CSF2RA: variants seen among roughly 807,000 people sequenced by gnomAD.
CSF2RA encodes the protein colony stimulating factor 2 receptor subunit alpha.
A neutral mutation model predicts 51.6 loss-of-function variants in CSF2RA; 42 were observed. That is an observed-to-expected ratio of 0.81 (90% CI 0.64 to 1.05). CSF2RA has a LOEUF of 1.05. Among genes scored for constraint, CSF2RA ranks in the 50% least tolerant of loss-of-function variants. The pLI is 0.00. For missense variants in CSF2RA, 530 were observed against 501.1 expected (o/e 1.06, Z -0.55); for synonymous variants, 222 against 193.0 (o/e 1.15, Z -1.24).
At chrX:1,290,269 T>C in intron 6 of CSF2RA, 68 bp from the exon 7 acceptor site, 2 of 1,306,576 alleles carry the variant, frequency 1.5e-6, no homozygotes, top group South Asian at 1.2e-5. Context: ...TTGTTTTTGT[T>C]TTGTTTTGTG....
chrX:1,314,871 CACTGCACCTGCCCAACCA>C (rs1271609921), downstream of CSF2RA, among the ~76,000 whole-genome samples: 30 of 81,140 alleles, frequency 3.7e-4, 2 homozygotes, highest in African/African-American at 1.1e-3. Flanking sequence ...TGCCCAACCG[CACTGCACCTGCCCAACCA>C]CACTGAACCT....
chrX:1,286,473 G>A (rs1299412456), intron 4 of CSF2RA, among the ~76,000 whole-genome samples: 5 of 112,750 alleles, frequency 4.4e-5, no homozygotes, highest in Non-Finnish European at 1.0e-4. Context: ...GGAGGCTGAG[G>A]CAGGAGAATT....
At chrX:1,285,948 C>T in intron 4 of CSF2RA, 28 bp downstream of exon 4, 3 of 1,613,744 alleles carry the variant, frequency 1.9e-6, no homozygotes, top group Non-Finnish European at 2.5e-6. Flanking sequence ...TTCTCAACCC[C>T]TGTCCTTTAC....
At chrX:1,301,624 G>A (rs1413608195) in intron 10 of CSF2RA, among the ~76,000 whole-genome samples, 16 of 129,174 alleles carry the variant, frequency 1.2e-4, no homozygotes, top group East Asian at 2.2e-4. Flanking sequence ...TTGAGACGGC[G>A]TTTCGCTCTT....
At chrX:1,307,335 G>A (rs1230294320) in intron 12 of CSF2RA, among the ~76,000 whole-genome samples, 1 of 152,070 alleles carries the variant, frequency 6.6e-6, no homozygotes, top group Admixed American at 6.6e-5. Context: ...CTGATTGAAT[G>A]AGGCCCACCC....
chrX:1,318,007 G>C, the CSF2RA span, among the ~76,000 whole-genome samples: 8 of 146,378 alleles, frequency 5.5e-5, no homozygotes, highest in Non-Finnish European at 1.1e-4. Context: ...TTTTTTTTGT[G>C]AGACAGAGTC....
At chrX:1,314,300 A>AATGCAC (rs2084339557), downstream of CSF2RA, among the ~76,000 whole-genome samples, 1 of 41,858 alleles carries the variant, frequency 2.4e-5, no homozygotes, top group African/African-American at 1.0e-4. Context: ...CTGCCCAACC[A>AATGCAC]CTCTGTGCCT....
chrX:1,293,288 G>A (rs1175182385), intron 7 of CSF2RA, among the ~76,000 whole-genome samples: 4 of 152,048 alleles, frequency 2.6e-5, no homozygotes, highest in South Asian at 2.1e-4. Context: ...GCGGGATCTC[G>A]GCTCACTGCA....
rs73618054 is a variant in CSF2RA at position 1,307,480 on chromosome X, T to G, written c.1126-1922T>G. Among the ~76,000 whole-genome samples the G allele has an allele frequency of 6.1e-3, 327 of 53,348 alleles. 11 individuals carry two copies. Among genetic ancestry groups the G allele is most frequent in the African/African-American group, 0.022 (305 of 13,748 alleles). 35.0% of individuals were successfully genotyped at this position (53,348 alleles called of 152,430 possible). A position where few individuals can be genotyped will look rare whatever the true frequency, so the allele number is the denominator to read the frequency against. ...TAAGGCCCACCCTTACCCTTTAGAC[T>G]TTCAACTGATTAAATGAGGCCCACT... On this transcript the variant is annotated intron_variant, in intron 12 of 12. Transcript: ENST00000381529.
chrX:1,272,460 A>G (rs1236325610), intron 1 of CSF2RA, among the ~76,000 whole-genome samples: 2 of 138,338 alleles, frequency 1.4e-5, no homozygotes, highest in African/African-American at 5.3e-5. Flanking sequence ...TGCGGACTGA[A>G]CTCTGATTTT....
intron 9 of CSF2RA, among the ~76,000 whole-genome samples, chrX:1,298,950 C>T (rs2092190292): frequency 6.6e-6 from 1 of 151,964 alleles, no homozygotes; most frequent in Admixed American, 6.6e-5. Context: ...ACAACCCTAG[C>T]GTCACCCTAC....
chrX:1,279,157 C>G, intron 2 of CSF2RA, among the ~76,000 whole-genome samples: 1 of 150,146 alleles, frequency 6.7e-6, no homozygotes, highest in East Asian at 2.0e-4. Flanking sequence ...TTGAGACCAG[C>G]CTGGCCAACA....
intron 9 of CSF2RA, among the ~76,000 whole-genome samples, chrX:1,298,044 G>GC (rs1272919337): frequency 2.7e-5 from 1 of 37,434 alleles, no homozygotes; most frequent in African/African-American, 1.1e-4. Context: ...ATGACCCCTG[G>GC]AGTAACCCTA....
intron 4 of CSF2RA, among the ~76,000 whole-genome samples, chrX:1,286,729 T>C (rs1345865787): frequency 6.6e-6 from 1 of 152,176 alleles, no homozygotes; most frequent in Non-Finnish European, 1.5e-5. Flanking sequence ...CAGAGCCTGA[T>C]TCCCTGAGGC....
intron 6 of CSF2RA, among the ~76,000 whole-genome samples, chrX:1,289,640 G>A (rs1300384342): frequency 1.4e-5 from 2 of 146,884 alleles, no homozygotes; most frequent in African/African-American, 5.0e-5. Flanking sequence ...GTTTTGTTTT[G>A]TGTTTGTTTT....
chrX:1,285,281 T>C (rs1472270285), intron 3 of CSF2RA, among the ~76,000 whole-genome samples: 2 of 151,586 alleles, frequency 1.3e-5, no homozygotes, highest in African/African-American at 4.8e-5. Flanking sequence ...GGAGGGAAGA[T>C]GGACAAGGGA....
intron 11 of CSF2RA, among the ~76,000 whole-genome samples, chrX:1,305,178 G>C (rs2083435785): frequency 6.6e-6 from 1 of 150,828 alleles, no homozygotes; most frequent in Non-Finnish European, 1.5e-5. Context: ...ATTTTTAGTA[G>C]AGACGGGGTT....
At chrX:1,304,637 G>C (rs1295421318) in intron 11 of CSF2RA, among the ~76,000 whole-genome samples, 1 of 93,428 alleles carries the variant, frequency 1.1e-5, no homozygotes, top group East Asian at 4.1e-4. Context: ...TTCTGGGTTG[G>C]AGGTGGGTTT....
intron 9 of CSF2RA, among the ~76,000 whole-genome samples, chrX:1,299,023 G>A (rs1349877866): frequency 2.0e-5 from 3 of 152,166 alleles, no homozygotes; most frequent in Non-Finnish European, 4.4e-5. Context: ...GCCCAGGGGT[G>A]GACACGGTGG....
Sources: gnomAD v4.1 joint callset for allele counts (sites outside exome capture counted in the v4.1 genomes callset) on GRCh38, gnomAD v4.1.1 for gene constraint, MANE v1.5 for transcripts, NCBI Gene and HGNC (gene_info 2026-07-23, HGNC 2026-07-21) for gene names.